The following RUBCNL variants were observed in gnomAD, a reference collection of about 807,000 sequenced individuals.
RUBCNL encodes protein associated with UVRAG as autophagy enhancer.
A neutral mutation model predicts 69.5 loss-of-function variants in RUBCNL; 62 were observed. That is an observed-to-expected ratio of 0.89 (90% CI 0.73 to 1.10). RUBCNL has a LOEUF of 1.10. Among genes scored for constraint, RUBCNL ranks in the 50% least tolerant of loss-of-function variants. The pLI is 0.00. For missense variants in RUBCNL, 768 were observed against 798.1 expected, an observed-to-expected ratio of 0.96 and a Z score of 0.45; for synonymous variants, 291 against 303.6, an observed-to-expected ratio of 0.96 and a Z score of 0.43.
intron 2 of RUBCNL, among the ~76,000 whole-genome samples, chr13:46,376,108 G>T (rs2048988005): frequency 6.6e-6 from 1 of 152,076 alleles, no homozygotes; most frequent in East Asian, 1.9e-4. Flanking sequence ...TACAACATAT[G>T]TGTTAATCAA....
Position 46,339,485 on chromosome 13 carries a change from C to A in RUBCNL, c.*3900G>T, listed in dbSNP as rs2048126106. ...GGGGGCAGAAACTGAATGTCAAACC[C>A]CTTCCTGACATGTCTACCACGTTCC... On this transcript the variant is annotated 3_prime_UTR_variant, in exon 15 of 15. Transcript: ENST00000429979. Among the ~76,000 whole-genome samples, 1 of 152,142 alleles carries A rather than the reference C, an allele frequency of 6.6e-6. No individual in the cohort carries two copies. Among genetic ancestry groups the A allele is most frequent in the Non-Finnish European group, 1.5e-5 (1 of 68,036 alleles).
chr13:46,384,109 C>T lies in RUBCNL; in HGVS notation c.-239+3025G>A, dbSNP rs150965247. ...AAACCAAGCCTAAACTAAAAGTGAG[C>T]AACCAAAAAACCCCCAGATTTTTAT... On this transcript the variant is annotated intron_variant, in intron 1 of 14. Transcript: ENST00000429979. 7.6e-3 allele frequency among the ~76,000 whole-genome samples: 1,160 copies of T among 152,236 alleles called. 20 individuals are homozygous for T. Among genetic ancestry groups the T allele is most frequent in the African/African-American group, 0.027 (1,122 of 41,548 alleles).
At chr13:46,377,769 G>T (rs1055681128) in intron 2 of RUBCNL, 121 bp downstream of exon 2, 2 of 548,808 alleles carry the variant, frequency 3.6e-6, no homozygotes, top group Non-Finnish European at 6.5e-6. Flanking sequence ...GTGCTGCTTT[G>T]CCAGGTTATA....
At position 46,361,517 on chromosome 13, in the gene RUBCNL, C is replaced by T. The variant is rs139968164; in HGVS notation, c.1043G>A (p.Arg348His). 4,794 of 1,612,878 alleles carry T rather than the reference C, an allele frequency of 3.0e-3. 28 individuals carry two copies. The highest frequency in any genetic ancestry group is 9.2e-3 in the Middle Eastern group (56 of 6,060). The stretch of plus-strand genomic sequence containing the variant: ...CAGTATCCAGCACTTCTGGAACACG[C>T]GGTACAGCTCTTTGGCTAATAGTTC... The part of the protein sequence containing the change: ...SAELLAKELY[R>H]VFQKCWILSV... Residue 348 changes from arginine (R) to histidine (H), a missense_variant, in exon 8 of 15, where the codon CGC becomes CAC. Arg to His is a conservative substitution (Grantham distance 29). Transcript: ENST00000429979.
intron 10 of RUBCNL, chr13:46,351,041 C>A (rs12585838): frequency 0.082 from 12,477 of 152,104 alleles, 1,150 homozygotes; most frequent in East Asian, 0.33. Context: ...GATGGGAGGA[C>A]TGCTTGAGCC....
At chr13:46,362,468 C>T (rs1417406855) in intron 7 of RUBCNL, 70 bp downstream of exon 7, 1 of 958,068 alleles carries the variant, frequency 1.0e-6, no homozygotes. Context: ...ATGTCAGAGG[C>T]CTAGGTTTCA....
chr13:46,349,377 G>A (rs1200684567), intron 11 of RUBCNL, 30 bp from the exon 12 acceptor site: 1 of 1,586,732 alleles, frequency 6.3e-7, no homozygotes, highest in Admixed American at 1.7e-5. Flanking sequence ...ACGGGGAAAA[G>A]TTAAATGTAA....
Position 46,372,029 on chromosome 13 carries a change from T to C in RUBCNL, c.447A>G (p.Thr149=). 6.2e-7 allele frequency: 1 copy of C among 1,613,970 alleles called. No homozygotes were observed. The highest frequency in any genetic ancestry group is 8.5e-7 in the Non-Finnish European group (1 of 1,179,890). ...GGGAGGTGGCCAAAATCCCAGGGCT[T>C]GTGGGCAGAGACACCCGATGAGAGT... The part of the protein sequence containing the change: ...PGYSHRVSLP[T]SPGILATSPY... The change falls in exon 3 of 15, where the codon ACA becomes ACG. Residue 149 remains threonine (T), a synonymous_variant. Coordinates refer to ENST00000429979, the MANE Select transcript of RUBCNL (RefSeq NM_025113.5).
chr13:46,358,843 T>C (rs1594150785), intron 9 of RUBCNL, among the ~76,000 whole-genome samples: 1 of 152,044 alleles, frequency 6.6e-6, no homozygotes, highest in African/African-American at 2.4e-5. Flanking sequence ...TATAGACAGG[T>C]GTGAGCCACC....
rs374045199 is a variant in RUBCNL, at chr13:46,353,725, CA to C, written c.1330+2706del. Among the ~76,000 whole-genome samples the C allele has an allele frequency of 2.2e-3, 328 of 152,310 alleles. 1 individual carries two copies. Among genetic ancestry groups the C allele is most frequent in the African/African-American group, 7.7e-3 (319 of 41,564 alleles). ...TCCTCATTTTATGAAAAGTCAGCAT[CA>C]GGGGGTTGGGTGGAAGAGAAATATT... On this transcript the variant is annotated intron_variant, in intron 10 of 14. Transcript: ENST00000429979.
At chr13:46,344,925 T>C in intron 13 of RUBCNL, 94 bp from the exon 14 acceptor site, 1 of 778,516 alleles carries the variant, frequency 1.3e-6, no homozygotes, top group Non-Finnish European at 2.2e-6. Context: ...AGTGTTTCAG[T>C]GTCTATGATT....
Position 46,357,615 on chromosome 13 carries a change from T to C in RUBCNL, c.1266-1119A>G, listed in dbSNP as rs1034637103. 4.8e-4 allele frequency among the ~76,000 whole-genome samples: 71 copies of C among 148,290 alleles called. 1 individual carries two copies. Among genetic ancestry groups the C allele is most frequent in the Admixed American group, 4.3e-3 (63 of 14,658 alleles). Reference sequence around the variant, plus strand: ...TTCTGGTAAGAGATATTCCATTCCATTGAGGAATTTTCTTTCTTTTTTTTT... The same window carrying C: ...TTCTGGTAAGAGATATTCCATTCCACTGAGGAATTTTCTTTCTTTTTTTTT... On this transcript the variant is annotated intron_variant, in intron 9 of 14. Transcript: ENST00000429979.
chr13:46,370,755 T>C (rs569728437), intron 3 of RUBCNL, among the ~76,000 whole-genome samples: 2 of 152,278 alleles, frequency 1.3e-5, no homozygotes, highest in Admixed American at 6.5e-5. Context: ...CCAAAGATCA[T>C]CTTCAGTTTA....
Position 46,359,643 on chromosome 13 carries a change from A to G in RUBCNL, c.1120-12T>C. ...TCTTCATTTACGACCTGCATAAGAC[A>G]TAAAATGATTTAGGAACAACTTAAG... is the stretch of plus-strand genomic sequence containing the variant. On this transcript the variant is annotated splice_polypyrimidine_tract_variant and intron_variant, in intron 8 of 14. Coordinates refer to ENST00000429979, the MANE Select transcript of RUBCNL (RefSeq NM_025113.5). The G allele has an allele frequency of 6.5e-7, 1 of 1,550,144 alleles. No homozygotes were observed. Among genetic ancestry groups the G allele is most frequent in the South Asian group, 1.2e-5 (1 of 81,718 alleles).
At chr13:46,348,512 T>A (rs991206365) in intron 12 of RUBCNL, among the ~76,000 whole-genome samples, 1 of 152,004 alleles carries the variant, frequency 6.6e-6, no homozygotes, top group Admixed American at 6.6e-5. Context: ...AATTCCCACA[T>A]GTCATGGAAG....
upstream of RUBCNL, among the ~76,000 whole-genome samples, chr13:46,388,925 C>T (rs1350432240): frequency 1.3e-5 from 2 of 152,134 alleles, no homozygotes; most frequent in South Asian, 2.1e-4. Flanking sequence ...ACCCTGCTTC[C>T]CTTGGGGGCA....
At chr13:46,369,024 T>C (rs904919126) in intron 3 of RUBCNL, among the ~76,000 whole-genome samples, 1 of 152,152 alleles carries the variant, frequency 6.6e-6, no homozygotes, top group Non-Finnish European at 1.5e-5. Context: ...GGAGAGGCTG[T>C]TGGAGTAACT....
At chr13:46,343,962 GC>G (rs2138664774) in intron 14 of RUBCNL, among the ~76,000 whole-genome samples, 1 of 152,254 alleles carries the variant, frequency 6.6e-6, no homozygotes, top group South Asian at 2.1e-4. Flanking sequence ...ATGCTGAAAG[GC>G]CACCAAACTC....
intron 2 of RUBCNL, among the ~76,000 whole-genome samples, chr13:46,376,315 C>T (rs1463667826): frequency 6.6e-6 from 1 of 151,832 alleles, no homozygotes; most frequent in Non-Finnish European, 1.5e-5. Flanking sequence ...TTTCTGGAGG[C>T]ATATAGATAT....
Sources: allele counts gnomAD v4.1 joint callset (sites outside exome capture counted in the v4.1 genomes callset), GRCh38; gene constraint gnomAD v4.1.1; transcripts MANE v1.5; gene names NCBI Gene and HGNC (gene_info 2026-07-23, HGNC 2026-07-21).